Variants in TENM2 observed in about 807,000 individuals in gnomAD.
The protein encoded by TENM2 is teneurin transmembrane protein 2.
Under a neutral mutation model 245.2 loss-of-function variants are expected in TENM2, and 52 were observed. That is an observed-to-expected ratio of 0.21 (90% CI 0.17 to 0.27). The LOEUF (loss-of-function observed/expected upper bound fraction) is 0.27, where lower values mean the gene tolerates loss of function less well. Ranked by LOEUF, TENM2 falls within the 10% of genes least tolerant of loss-of-function variation. TENM2 has a pLI of 1.00. For synonymous variants in TENM2, 1,363 were observed against 1,438.9 expected, an observed-to-expected ratio of 0.95 and a Z score of 1.19; for missense variants, 3,046 against 3,666.8, an observed-to-expected ratio of 0.83 and a Z score of 4.37.
intron 2 of TENM2, among the ~76,000 whole-genome samples, chr5:167,587,905 G>A (rs1473374488): frequency 6.6e-6 from 1 of 152,088 alleles, no homozygotes; most frequent in African/African-American, 2.4e-5. Context: ...TAGCCCGTGA[G>A]CCATGTGGTT....
intron 2 of TENM2, among the ~76,000 whole-genome samples, chr5:167,664,781 G>A (rs1196590172): frequency 6.6e-6 from 1 of 152,180 alleles, no homozygotes; most frequent in African/African-American, 2.4e-5. Context: ...AAGGGACATT[G>A]GTGTGACATG....
At chr5:167,176,402 C>T in the TENM2 span, among the ~76,000 whole-genome samples, 2 of 152,186 alleles carry the variant, frequency 1.3e-5, no homozygotes, top group Non-Finnish European at 2.9e-5. Context: ...GCTTTTTCTG[C>T]CATTTTATCA....
intron 3 of TENM2, among the ~76,000 whole-genome samples, chr5:167,901,021 A>G (rs1038928285): frequency 1.4e-5 from 2 of 139,822 alleles, no homozygotes; most frequent in Non-Finnish European, 3.0e-5. Context: ...ATTTTTTTTC[A>G]TTAATAACAT....
At chr5:167,977,282 T>A (rs1305609420) in intron 4 of TENM2, among the ~76,000 whole-genome samples, 1 of 151,796 alleles carries the variant, frequency 6.6e-6, no homozygotes, top group East Asian at 1.9e-4. Flanking sequence ...ATGACACGAG[T>A]TTATCTATAT....
chr5:167,952,746 G>A (rs772423143), exon 4 of TENM2: 1 of 1,591,164 alleles, frequency 6.3e-7, no homozygotes, highest in Admixed American at 1.8e-5. Flanking sequence ...AGCGCCCAAT[G>A]ACCTGGCCAC....
chr5:167,350,562 GATATATATAGATATATATATGGGATAT>G (rs921945602), intron 1 of TENM2, among the ~76,000 whole-genome samples: 24 of 141,644 alleles, frequency 1.7e-4, no homozygotes, highest in African/African-American at 5.7e-4. Context: ...ATATATATGG[GATATATATAGATATATATATGGGATAT>G]ATATATATGG....
chr5:167,181,176 C>G, the TENM2 span, among the ~76,000 whole-genome samples: 1 of 151,980 alleles, frequency 6.6e-6, no homozygotes, highest in East Asian at 1.9e-4. Flanking sequence ...AATTTCGGCA[C>G]AGCAGTCATG....
At chr5:167,798,344 G>A (rs184655297) in intron 2 of TENM2, among the ~76,000 whole-genome samples, 7 of 152,320 alleles carry the variant, frequency 4.6e-5, no homozygotes. Flanking sequence ...AAACAACAAA[G>A]AAGCTACTGC....
Position 167,353,557 on chromosome 5 carries a change from G to C in TENM2, c.227-21641G>C, listed in dbSNP as rs201403633. Among the ~76,000 whole-genome samples the C allele has an allele frequency of 1.3e-3, 170 of 129,396 alleles. 2 individuals carry two copies. The East Asian group carries it at 0.032, about 24-fold the overall frequency. The allele number at this position is 129,396 out of a possible 152,430, so 84.9% of individuals were successfully genotyped here. The stretch of plus-strand genomic sequence containing the variant: ...GAGTCTCGCTCTGTCGCCCAGGCTG[G>C]AGTGCAGTGGCGGGATCTCGGCTCA... On this transcript the variant is annotated intron_variant, in intron 1 of 28. Coordinates refer to ENST00000518659, the Ensembl canonical transcript of TENM2.
intron 3 of TENM2, among the ~76,000 whole-genome samples, chr5:167,948,354 T>G (rs1779805902): frequency 6.6e-6 from 1 of 152,200 alleles, no homozygotes; most frequent in South Asian, 2.1e-4. Context: ...GCAACAACTG[T>G]CCCACAGAAA....
the TENM2 span, among the ~76,000 whole-genome samples, chr5:166,985,591 G>A: frequency 2.0e-5 from 3 of 152,048 alleles, no homozygotes; most frequent in Non-Finnish European, 2.9e-5. Context: ...CACATAATCA[G>A]ACGCAGTCAG....
intron 4 of TENM2, among the ~76,000 whole-genome samples, chr5:167,990,636 T>C (rs569981952): frequency 7.0e-4 from 106 of 152,334 alleles, no homozygotes; most frequent in South Asian, 6.6e-3. Flanking sequence ...CCTAGCTTCC[T>C]CTTCCAAAAC....
At chr5:168,113,414 C>T (rs1172739023) in intron 9 of TENM2, among the ~76,000 whole-genome samples, 1 of 152,180 alleles carries the variant, frequency 6.6e-6, no homozygotes, top group Non-Finnish European at 1.5e-5. Context: ...TCCCTCTACA[C>T]ATCTAGTCCA....
intron 4 of TENM2, among the ~76,000 whole-genome samples, chr5:167,964,941 CTTTTAATAA>C (rs1387936866): frequency 6.6e-6 from 1 of 152,062 alleles, no homozygotes; most frequent in African/African-American, 2.4e-5. Flanking sequence ...CTGCTTTTTG[CTTTTAATAA>C]TGATAGCTGC....
At chr5:167,967,759 G>C (rs1049177315) in intron 4 of TENM2, among the ~76,000 whole-genome samples, 1 of 152,166 alleles carries the variant, frequency 6.6e-6, no homozygotes, top group Non-Finnish European at 1.5e-5. Context: ...GAAGACTCTG[G>C]GGTTAAGTTC....
chr5:167,746,675 C>CAGAGAGAGAGAG (rs57973052), intron 2 of TENM2, among the ~76,000 whole-genome samples: 2,305 of 117,080 alleles, frequency 0.02, 72 homozygotes, highest in South Asian at 0.038. Context: ...AAATTACCAA[C>CAGAGAGAGAGAG]AGAGAGAGAG....
intron 1 of TENM2, among the ~76,000 whole-genome samples, chr5:167,317,707 A>G (rs1321063442): frequency 6.6e-6 from 1 of 152,156 alleles, no homozygotes; most frequent in Non-Finnish European, 1.5e-5. Flanking sequence ...CACAGGTAAA[A>G]TTGAAATGTC....
In TENM2 at chr5:168,032,911, C is replaced by G. The variant is rs576183915; in HGVS notation, c.1187-14516C>G. On this transcript the variant is annotated intron_variant, in intron 5 of 28. Coordinates refer to ENST00000518659, the Ensembl canonical transcript of TENM2. ...TTACCCAGGTATGGTAGTCATATCA[C>G]CATATGGCTATGTGTAGCATGTGGA... Among the ~76,000 whole-genome samples the G allele has an allele frequency of 1.4e-4, 22 of 152,252 alleles. 1 individual carries two copies. The South Asian group carries it at 4.6e-3, about 32-fold the overall frequency.
intron 2 of TENM2, among the ~76,000 whole-genome samples, chr5:167,819,187 A>G (rs1164986065): frequency 6.6e-6 from 1 of 152,114 alleles, no homozygotes; most frequent in Non-Finnish European, 1.5e-5. Flanking sequence ...TAATGTGTGC[A>G]CTGGAGAGTG....
Sources: gnomAD v4.1 joint callset for allele counts (sites outside exome capture counted in the v4.1 genomes callset) on GRCh38, gnomAD v4.1.1 for gene constraint, MANE v1.5 for transcripts, NCBI Gene and HGNC (gene_info 2026-07-23, HGNC 2026-07-21) for gene names.